Variants in CALN1 observed in about 807,000 individuals in gnomAD.
CALN1 encodes calneuron 1.
CALN1 carries 17 observed loss-of-function variants against 30.6 expected under a neutral mutation model. That is an observed-to-expected ratio of 0.56 (90% CI 0.38 to 0.83). The LOEUF is 0.83. CALN1 is among the 40% of genes least tolerant of loss of function. The pLI is 0.00. For synonymous variants in CALN1, 156 were observed against 131.4 expected (o/e 1.19, Z -1.28); for missense variants, 291 against 354.9 (o/e 0.82, Z 1.45).
chr7:72,127,190 G>C (rs1389533699), intron 3 of CALN1, among the ~76,000 whole-genome samples: 1 of 151,902 alleles, frequency 6.6e-6, no homozygotes, highest in Non-Finnish European at 1.5e-5. Context: ...GGTAAGGGTG[G>C]TAGCCATGGG....
chr7:72,338,525 G>GTGTGTGTGTGTGTGTGTGTCTGTCTTTC, intron 2 of CALN1, among the ~76,000 whole-genome samples: 1 of 122,292 alleles, frequency 8.2e-6, no homozygotes, highest in African/African-American at 3.1e-5. Flanking sequence ...GTGTGTGTGT[G>GTGTGTGTGTGTGTGTGTGTCTGTCTTTC]TGTCTCACCT....
chr7:72,317,912 A>C (rs1023488454), intron 2 of CALN1, among the ~76,000 whole-genome samples: 22 of 152,290 alleles, frequency 1.4e-4, no homozygotes, highest in African/African-American at 5.3e-4. Flanking sequence ...AGAAAAAAAG[A>C]ATGTCAAACC....
chr7:71,961,460 T>C (rs1476982075), intron 5 of CALN1, among the ~76,000 whole-genome samples: 1 of 152,226 alleles, frequency 6.6e-6, no homozygotes, highest in East Asian at 1.9e-4. Flanking sequence ...GTCAGCCCCA[T>C]AGACCAGTAA....
chr7:72,261,110 C>A (rs1460297689), intron 3 of CALN1, among the ~76,000 whole-genome samples: 2 of 152,104 alleles, frequency 1.3e-5, no homozygotes, highest in African/African-American at 4.8e-5. Context: ...GAGTTCGAGA[C>A]CAGCTGGGCC....
At chr7:71,885,995 A>G (rs1268642411) in intron 5 of CALN1, among the ~76,000 whole-genome samples, 1 of 152,198 alleles carries the variant, frequency 6.6e-6, no homozygotes. Context: ...TTCCCAACAA[A>G]CATATCCACC....
chr7:72,122,081 T>C (rs374083138), intron 3 of CALN1, among the ~76,000 whole-genome samples: 1 of 151,856 alleles, frequency 6.6e-6, no homozygotes, highest in Non-Finnish European at 1.5e-5. Flanking sequence ...TTAGACCAAA[T>C]GCCTGCCGAA....
intron 2 of CALN1, among the ~76,000 whole-genome samples, chr7:72,368,667 G>A (rs961208415): frequency 6.6e-6 from 1 of 151,988 alleles, no homozygotes; most frequent in South Asian, 2.1e-4. Flanking sequence ...TGATTGATAC[G>A]CTTTCTCCCA....
At chr7:72,010,534 A>C (rs1321655200) in intron 5 of CALN1, among the ~76,000 whole-genome samples, 1 of 152,164 alleles carries the variant, frequency 6.6e-6, no homozygotes, top group Non-Finnish European at 1.5e-5. Flanking sequence ...AATTAAAATC[A>C]GGTGCGGTGG....
intron 2 of CALN1, among the ~76,000 whole-genome samples, chr7:72,377,526 T>C (rs897185013): frequency 2.6e-5 from 4 of 151,970 alleles, no homozygotes; most frequent in African/African-American, 4.8e-5. Context: ...TTGACTATTA[T>C]AAAGGAATAA....
rs537908395 is a variant in CALN1 at position 72,138,661 on chromosome 7, A to T, written c.245-32367T>A. Among the ~76,000 whole-genome samples, 4 of 152,356 alleles carry T rather than the reference A, an allele frequency of 2.6e-5. No homozygotes were observed. In the East Asian group the frequency reaches 7.7e-4, roughly 29 times the overall value. On this transcript the variant is annotated intron_variant, in intron 3 of 6. Transcript: ENST00000395275. The stretch of plus-strand genomic sequence containing the variant: ...TGCCTGCCATCCCATTCAACAACAT[A>T]AAAAGCAATTTGTTTACGGGAAGAA...
intron 4 of CALN1, among the ~76,000 whole-genome samples, chr7:72,088,974 A>G (rs1419564214): frequency 3.3e-5 from 5 of 152,104 alleles, no homozygotes; most frequent in African/African-American, 1.2e-4. Flanking sequence ...TGTCAGAACA[A>G]ATATATATTA....
At chr7:71,990,892 T>A (rs1238110551) in intron 5 of CALN1, among the ~76,000 whole-genome samples, 4 of 152,140 alleles carry the variant, frequency 2.6e-5, no homozygotes, top group Non-Finnish European at 1.5e-5. Context: ...GGCCCGTTTC[T>A]GGTTAACAGT....
chr7:72,133,197 G>T (rs1017893813), intron 3 of CALN1, among the ~76,000 whole-genome samples: 1 of 152,038 alleles, frequency 6.6e-6, no homozygotes, highest in Non-Finnish European at 1.5e-5. Flanking sequence ...TAAAAATAAT[G>T]CTTATAGACT....
chr7:72,366,718 G>A (rs190081116), intron 2 of CALN1, among the ~76,000 whole-genome samples: 3 of 152,130 alleles, frequency 2.0e-5, no homozygotes, highest in African/African-American at 7.2e-5. Context: ...CTTGTTTAAT[G>A]ACTAAAGCAG....
At chr7:71,800,101 C>T (rs1170684579) in intron 6 of CALN1, among the ~76,000 whole-genome samples, 5 of 152,194 alleles carry the variant, frequency 3.3e-5, no homozygotes, top group Non-Finnish European at 7.3e-5. Flanking sequence ...CAGGTGTGAA[C>T]CTGACAGCCC....
chr7:71,944,607 A>AC (rs1796312585), intron 5 of CALN1, among the ~76,000 whole-genome samples: 1 of 151,418 alleles, frequency 6.6e-6, no homozygotes, highest in African/African-American at 2.4e-5. Context: ...AAAAAAAAAA[A>AC]AAAAAAAAAA....
At chr7:72,495,339 G>A in the CALN1 span, among the ~76,000 whole-genome samples, 3 of 152,182 alleles carry the variant, frequency 2.0e-5, no homozygotes, top group Admixed American at 6.5e-5. Flanking sequence ...GACTCTTGGA[G>A]ATCTCCTACC....
intron 2 of CALN1, among the ~76,000 whole-genome samples, chr7:72,303,540 A>T (rs1187692982): frequency 2.0e-5 from 3 of 150,034 alleles, no homozygotes; most frequent in African/African-American, 7.4e-5. Context: ...CTGGGCAACA[A>T]GAGCGAAACT....
intron 5 of CALN1, among the ~76,000 whole-genome samples, chr7:71,849,143 G>A (rs776731628): frequency 5.3e-5 from 8 of 152,126 alleles, no homozygotes; most frequent in Non-Finnish European, 1.2e-4. Context: ...ATTCTTATGT[G>A]TGTTTAATCT....
Sources: gnomAD v4.1 joint callset for allele counts (sites outside exome capture counted in the v4.1 genomes callset) on GRCh38, gnomAD v4.1.1 for gene constraint, MANE v1.5 for transcripts, NCBI Gene and HGNC (gene_info 2026-07-23, HGNC 2026-07-21) for gene names.